ITPR1: variants seen among roughly 807,000 people sequenced by gnomAD.
The protein encoded by ITPR1 is inositol 1,4,5-trisphosphate receptor type 1, also known as inositol 1,4,5-trisphosphate-gated calcium channel ITPR1.
Under a neutral mutation model 318.4 loss-of-function variants are expected in ITPR1, and 96 were observed. The ratio of observed to expected loss-of-function variants is 0.30; its 90% confidence interval spans 0.26 to 0.36. The LOEUF (loss-of-function observed/expected upper bound fraction) is 0.36. Ranked by LOEUF, ITPR1 falls within the 10% of genes least tolerant of loss-of-function variation. The pLI, the probability that ITPR1 is intolerant of heterozygous loss-of-function variation, is 1.00. For missense variants in ITPR1, 2,440 were observed against 3,460.2 expected (o/e 0.71, Z 7.40); for synonymous variants, 1,312 against 1,289.9 (o/e 1.02, Z -0.37).
At chr3:4,611,460 TGAGGCAGGAGAATGGCTTGAACCCAG>T (rs1419944651) in intron 4 of ITPR1, among the ~76,000 whole-genome samples, 1 of 151,726 alleles carries the variant, frequency 6.6e-6, no homozygotes, top group Non-Finnish European at 1.5e-5. Context: ...CTTGGGAGGC[TGAGGCAGGAGAATGGCTTGAACCCAG>T]GAGGCAGAGG....
Position 4,528,844 on chromosome 3 carries a change from T to C in ITPR1, c.163+7750T>C, listed in dbSNP as rs2083188932. ...AATCAATTCAAATTTAATAAAAAGA[T>C]TAATAGTTTTTTGTAATCTTCATTT... On this transcript the variant is annotated intron_variant, in intron 4 of 61. Transcript: ENST00000649015. 2.0e-5 allele frequency among the ~76,000 whole-genome samples: 3 copies of C among 152,182 alleles called. No individual in the cohort carries two copies. The South Asian group carries it at 6.2e-4, about 31-fold the overall frequency.
chr3:4,764,466 C>T (rs113613156), intron 44 of ITPR1, among the ~76,000 whole-genome samples: 2,538 of 152,274 alleles, frequency 0.017, 42 homozygotes, highest in South Asian at 0.063. Flanking sequence ...ACCACTCAGG[C>T]GAGGCATCTG....
chr3:4,576,172 T>C (rs1410606400), intron 4 of ITPR1, among the ~76,000 whole-genome samples: 2 of 152,156 alleles, frequency 1.3e-5, no homozygotes, highest in South Asian at 2.1e-4. Context: ...TGGTATAAAA[T>C]GAATTTCTTT....
rs745764856 is a variant in ITPR1 at position 4,642,182 on chromosome 3, C to T, written c.456C>T (p.Asp152=). ...LEKNAMRVTL[D]EAGNEGSWFY... Reference sequence around the variant, plus strand: ...AGAATGCCATGAGAGTCACATTGGACGAGGCTGGAAATGAAGGGTCCTGGT... The same window carrying T: ...AGAATGCCATGAGAGTCACATTGGATGAGGCTGGAAATGAAGGGTCCTGGT... The change falls in exon 7 of 62, where the codon GAC becomes GAT. Residue 152 remains aspartate, a synonymous_variant. Transcript: ENST00000649015. The T allele has an allele frequency of 3.7e-6, 6 of 1,606,824 alleles. No homozygotes were observed. The highest frequency in any genetic ancestry group is 1.7e-5 in the Admixed American group (1 of 59,182).
chr3:4,541,456 C>G (rs1050190486), intron 4 of ITPR1, among the ~76,000 whole-genome samples: 1 of 151,276 alleles, frequency 6.6e-6, no homozygotes, highest in Admixed American at 6.6e-5. Context: ...TTTTTTTTCC[C>G]CTCTGGTTAC....
chr3:4,696,179 T>A (rs573840021), intron 33 of ITPR1, among the ~76,000 whole-genome samples: 2 of 152,202 alleles, frequency 1.3e-5, no homozygotes, highest in Non-Finnish European at 2.9e-5. Context: ...TTTAATATAT[T>A]TGCAGAGTTG....
At chr3:4,690,745 A>T (rs1236460053) in intron 31 of ITPR1, among the ~76,000 whole-genome samples, 1 of 152,238 alleles carries the variant, frequency 6.6e-6, no homozygotes, top group Non-Finnish European at 1.5e-5. Flanking sequence ...TCATATATTC[A>T]TGCAATGGAA....
chr3:4,691,156 G>A lies in ITPR1; in HGVS notation c.3841G>A (p.Val1281Ile). 1.2e-6 allele frequency: 2 copies of A among 1,608,116 alleles called. No individual in the cohort carries two copies. The highest frequency in any genetic ancestry group is 1.7e-6 in the Non-Finnish European group (2 of 1,175,624). The change falls in exon 32 of 62, where the codon GTA becomes ATA. Residue 1281 changes from valine (V) to isoleucine (I), a missense_variant. By Grantham distance (29) the Val-to-Ile change is conservative. Transcript: ENST00000649015. ...ACTCTTGTGCCAGATCCTGGAGGCA[G>A]TAACCATGCAGCACATCTTCATGAA... Reference protein sequence around the residue: ...LFLNPGILEAVTMQHIFMNNF... With the variant: ...LFLNPGILEAITMQHIFMNNF...
At chr3:4,770,994 A>T (rs890914642) in intron 46 of ITPR1, among the ~76,000 whole-genome samples, 4 of 151,940 alleles carry the variant, frequency 2.6e-5, no homozygotes, top group Non-Finnish European at 5.9e-5. Flanking sequence ...GGAGTGGGGG[A>T]ATCCTGATGC....
At chr3:4,794,795 G>T (rs1409333010) in intron 52 of ITPR1, among the ~76,000 whole-genome samples, 1 of 152,152 alleles carries the variant, frequency 6.6e-6, no homozygotes, top group Non-Finnish European at 1.5e-5. Flanking sequence ...GGTATGCAGG[G>T]TTTATAGATG....
intron 4 of ITPR1, among the ~76,000 whole-genome samples, chr3:4,565,281 A>T (rs2087110166): frequency 6.6e-6 from 1 of 152,164 alleles, no homozygotes; most frequent in African/African-American, 2.4e-5. Flanking sequence ...TCTTACTGCT[A>T]GAGTTGATAG....
intron 52 of ITPR1, among the ~76,000 whole-genome samples, chr3:4,790,906 C>T (rs891151380): frequency 9.2e-5 from 14 of 152,198 alleles, no homozygotes; most frequent in African/African-American, 3.4e-4. Context: ...ACCATCCCTC[C>T]CTGATATCCT....
rs182254480 is a variant in ITPR1 at position 4,698,988 on chromosome 3, G to A, written c.4408-825G>A. Among the ~76,000 whole-genome samples, 266 of 152,246 alleles carry A rather than the reference G, an allele frequency of 1.7e-3. 2 individuals carry two copies. The highest frequency in any genetic ancestry group is 2.3e-3 in the Non-Finnish European group (158 of 68,014). ...TGTATAGTCAGTTATTCTGAAATATGGCTTGCTATTTTGAACAATGTTGTG... is the reference window on the plus strand; with the variant it reads ...TGTATAGTCAGTTATTCTGAAATATAGCTTGCTATTTTGAACAATGTTGTG... On this transcript the variant is annotated intron_variant, in intron 34 of 61. Coordinates refer to ENST00000649015, the MANE Select transcript of ITPR1 (RefSeq NM_001378452.1).
At chr3:4,831,891 T>G (rs531079930) in intron 60 of ITPR1, among the ~76,000 whole-genome samples, 1 of 152,212 alleles carries the variant, frequency 6.6e-6, no homozygotes, top group Non-Finnish European at 1.5e-5. Context: ...GTCTAAACAT[T>G]TGCACTTTGA....
At chr3:4,605,152 T>C (rs1241577809) in intron 4 of ITPR1, among the ~76,000 whole-genome samples, 2 of 152,150 alleles carry the variant, frequency 1.3e-5, no homozygotes, top group Admixed American at 6.5e-5. Context: ...TTTACATTTT[T>C]AGTAAAGATG....
chr3:4,563,280 G>C (rs1409465424), intron 4 of ITPR1, among the ~76,000 whole-genome samples: 1 of 152,168 alleles, frequency 6.6e-6, no homozygotes, highest in Non-Finnish European at 1.5e-5. Flanking sequence ...GGCCAAGGCA[G>C]GAGGATTGCT....
At chr3:4,650,038 A>G (rs1489938789) in intron 10 of ITPR1, among the ~76,000 whole-genome samples, 2 of 152,202 alleles carry the variant, frequency 1.3e-5, no homozygotes, top group African/African-American at 4.8e-5. Context: ...GTGTATTCAT[A>G]TTGCCACATG....
chr3:4,810,891 C>G (rs1337766871), intron 55 of ITPR1, among the ~76,000 whole-genome samples: 2 of 152,232 alleles, frequency 1.3e-5, no homozygotes, highest in African/African-American at 2.4e-5. Context: ...ACCAGGGTGG[C>G]TGGCTCTTCA....
intron 4 of ITPR1, among the ~76,000 whole-genome samples, chr3:4,627,158 G>T (rs1305959800): frequency 7.0e-6 from 1 of 143,174 alleles, no homozygotes; most frequent in Admixed American, 6.7e-5. Flanking sequence ...ACTGAAGAGA[G>T]TTGGATTTGT....
Sources: gnomAD v4.1 joint callset for allele counts (sites outside exome capture counted in the v4.1 genomes callset) on GRCh38, gnomAD v4.1.1 for gene constraint, MANE v1.5 for transcripts, NCBI Gene and HGNC (gene_info 2026-07-23, HGNC 2026-07-21) for gene names.